The following RAPGEF1 variants were observed in gnomAD, a reference collection of about 807,000 sequenced individuals.
The protein encoded by RAPGEF1 is Rap guanine nucleotide exchange factor 1.
A neutral mutation model predicts 143.3 loss-of-function variants in RAPGEF1; 33 were observed. The ratio of observed to expected loss-of-function variants is 0.23; its 90% confidence interval spans 0.17 to 0.31. RAPGEF1 has a LOEUF of 0.31. Ranked by LOEUF, RAPGEF1 falls within the 10% of genes least tolerant of loss-of-function variation. The pLI is 1.00. For synonymous variants in RAPGEF1, 629 were observed against 676.5 expected (o/e 0.93, Z 1.09); for missense variants, 1,199 against 1,645.4 (o/e 0.73, Z 4.69).
intron 1 of RAPGEF1, among the ~76,000 whole-genome samples, chr9:131,657,024 A>C (rs1972654030): frequency 6.6e-6 from 1 of 152,240 alleles, no homozygotes; most frequent in South Asian, 2.1e-4. Context: ...GAAATCGAGG[A>C]CAGCACTAAC....
At chr9:131,737,708 T>A (rs913864216) in intron 1 of RAPGEF1, among the ~76,000 whole-genome samples, 6 of 152,102 alleles carry the variant, frequency 3.9e-5, no homozygotes, top group African/African-American at 1.4e-4. Flanking sequence ...CTCACGCATG[T>A]AATCCCAACA....
chr9:131,662,969 C>A (rs1361204822), intron 1 of RAPGEF1, among the ~76,000 whole-genome samples: 3 of 151,784 alleles, frequency 2.0e-5, no homozygotes, highest in Admixed American at 6.6e-5. Context: ...ACGCCTGGTT[C>A]CAACGTTGTA....
At chr9:131,695,225 G>A (rs371421433) in intron 1 of RAPGEF1, among the ~76,000 whole-genome samples, 1 of 152,122 alleles carries the variant, frequency 6.6e-6, no homozygotes, top group East Asian at 1.9e-4. Context: ...TAATTCGGAA[G>A]CACACAGGGA....
rs1235392957 is a variant in RAPGEF1, at chr9:131,628,932, G to A, written c.893+170C>T. On this transcript the variant is annotated intron_variant, in intron 7 of 26. Coordinates refer to ENST00000683357, the MANE Select transcript of RAPGEF1 (RefSeq NM_001377935.1). The surrounding 1 kb of genome is among the most constrained non-coding windows in gnomAD (Gnocchi z 5.7). ...GCTGAGGGCACAAGGAGGCCTTCAG[G>A]AGAGCTCAGGGTGGCCAGCGAGGGC... Among the ~76,000 whole-genome samples, 2 of 152,118 alleles carry A rather than the reference G, an allele frequency of 1.3e-5. No homozygotes were observed. The highest frequency in any genetic ancestry group is 4.8e-5 in the African/African-American group (2 of 41,418).
chr9:131,712,845 T>C (rs1048118122), intron 1 of RAPGEF1, among the ~76,000 whole-genome samples: 7 of 152,168 alleles, frequency 4.6e-5, no homozygotes, highest in Non-Finnish European at 7.3e-5. Context: ...ATAACTCCAA[T>C]GTGAACTGTT....
rs140775463 is a variant in RAPGEF1 at position 131,661,211 on chromosome 9, G to A, written c.62-10262C>T. 6.6e-5 allele frequency among the ~76,000 whole-genome samples: 10 copies of A among 152,310 alleles called. No individual in the cohort carries two copies. The East Asian group carries it at 1.7e-3, about 26-fold the overall frequency. ...TACCAGAATATCACAGCAGTGCTCG[G>A]CGAATGCCTGTCGACAGCAGGACGG... is the stretch of plus-strand genomic sequence containing the variant. On this transcript the variant is annotated intron_variant, in intron 1 of 26. Transcript: ENST00000683357.
At chr9:131,580,210 T>C (rs1172569291) in intron 26 of RAPGEF1, 53 bp downstream of exon 26, 4 of 1,602,692 alleles carry the variant, frequency 2.5e-6, no homozygotes, top group Non-Finnish European at 3.4e-6. Flanking sequence ...TCTCTCCTTG[T>C]GTGTGGCCCG....
chr9:131,728,216 C>T (rs998910004), intron 1 of RAPGEF1, among the ~76,000 whole-genome samples: 4 of 152,098 alleles, frequency 2.6e-5, no homozygotes, highest in African/African-American at 9.7e-5. Flanking sequence ...GTATGAAATC[C>T]CCCTTCTTGC....
chr9:131,689,404 ACTC>A lies in RAPGEF1; in HGVS notation c.62-38458_62-38456del, dbSNP rs1833610738. ...CATATTCTGGAATGGCATTTCCTGA[ACTC>A]CTTCACTGATTAGTTTTAAGAAGCA... On this transcript the variant is annotated intron_variant, in intron 1 of 26. Coordinates refer to ENST00000683357, the MANE Select transcript of RAPGEF1 (RefSeq NM_001377935.1). 7.9e-5 allele frequency among the ~76,000 whole-genome samples: 12 copies of A among 152,200 alleles called. No individual in the cohort carries two copies. The South Asian group carries it at 2.5e-3, about 32-fold the overall frequency.
rs762787224 is a variant in RAPGEF1 at position 131,584,526 on chromosome 9, T to C, written c.3304A>G (p.Ile1102Val). 1.2e-6 allele frequency: 2 copies of C among 1,613,990 alleles called. No individual in the cohort carries two copies. Among genetic ancestry groups the C allele is most frequent in the Admixed American group, 3.3e-5 (2 of 60,024 alleles). The stretch of plus-strand genomic sequence containing the variant: ...GACTTGGCCACCATTACCTTCATGA[T>C]CTTGATGAACTTCAAGAGCAGCCGT... The part of the protein sequence containing the change: ...RERLLLKFIK[I>V]MKHLRKLNNF... Residue 1102 changes from isoleucine to valine, a missense_variant, in exon 23 of 27, where the codon ATC becomes GTC. Physicochemically the swap from Ile to Val is conservative, Grantham distance 29. Transcript: ENST00000683357. The surrounding 1 kb of genome is among the most constrained non-coding windows in gnomAD (Gnocchi z 6.8).
At chr9:131,738,881 G>A (rs1837578624) in intron 1 of RAPGEF1, among the ~76,000 whole-genome samples, 1 of 152,122 alleles carries the variant, frequency 6.6e-6, no homozygotes, top group South Asian at 2.1e-4. Context: ...CTCCTTTGCA[G>A]CTCCCTAAAA....
chr9:131,631,642 ACCC>A lies in RAPGEF1; in HGVS notation c.652-1321_652-1319del, dbSNP rs1964885539. Among the ~76,000 whole-genome samples the A allele has an allele frequency of 3.3e-5, 5 of 152,224 alleles. No homozygotes were observed. The South Asian group carries it at 1.0e-3, about 32-fold the overall frequency. On this transcript the variant is annotated intron_variant, in intron 5 of 26. Transcript: ENST00000683357. ...CCAGTGGGCAACACAGTAACCAGAG[ACCC>A]TGAACCAGCGGCTGCCAAGCCTCTC... is the stretch of plus-strand genomic sequence containing the variant.
At chr9:131,719,792 T>C (rs1045865570) in intron 1 of RAPGEF1, among the ~76,000 whole-genome samples, 1 of 152,036 alleles carries the variant, frequency 6.6e-6, no homozygotes, top group Non-Finnish European at 1.5e-5. Context: ...GAGTTAAGAT[T>C]TGTACATAGT....
intron 1 of RAPGEF1, among the ~76,000 whole-genome samples, chr9:131,668,652 C>A (rs1292416243): frequency 6.6e-6 from 1 of 152,168 alleles, no homozygotes; most frequent in Non-Finnish European, 1.5e-5. Context: ...GTGGCCTACT[C>A]CCAGGGAAGC....
At chr9:131,664,357 A>C (rs552523220) in intron 1 of RAPGEF1, among the ~76,000 whole-genome samples, 1 of 152,300 alleles carries the variant, frequency 6.6e-6, no homozygotes, top group South Asian at 2.1e-4. Flanking sequence ...CTGGGATGTC[A>C]CTGTTCTATG....
chr9:131,613,144 CATCCTT>C (rs1958302324), intron 12 of RAPGEF1, among the ~76,000 whole-genome samples: 1 of 152,250 alleles, frequency 6.6e-6, no homozygotes, highest in Non-Finnish European at 1.5e-5. Flanking sequence ...GTGTGCTTTT[CATCCTT>C]GTAACAACCT....
chr9:131,587,643 C>G (rs1202215230), intron 22 of RAPGEF1, 93 bp downstream of exon 22: 2 of 1,172,626 alleles, frequency 1.7e-6, no homozygotes, highest in African/African-American at 3.1e-5. Flanking sequence ...GCTCCTTCTC[C>G]TACCATTCAA....
chr9:131,723,372 T>C (rs1836410801), intron 1 of RAPGEF1, among the ~76,000 whole-genome samples: 1 of 152,136 alleles, frequency 6.6e-6, no homozygotes. Context: ...TAATGTGCCA[T>C]CATCACCAGC....
chr9:131,630,195 T>C, intron 6 of RAPGEF1, 41 bp downstream of exon 6: 1 of 1,471,040 alleles, frequency 6.8e-7, no homozygotes, highest in African/African-American at 1.4e-5. Flanking sequence ...ACTTTGCCAC[T>C]GAGCGTGACA....
Sources: gnomAD v4.1 joint callset for allele counts (sites outside exome capture counted in the v4.1 genomes callset) on GRCh38, gnomAD v4.1.1 for gene constraint, Gnocchi (gnomAD v3.1) non-coding constraint, MANE v1.5 for transcripts, NCBI Gene and HGNC (gene_info 2026-07-23, HGNC 2026-07-21) for gene names.